ONECUT2: variants seen among roughly 807,000 people sequenced by gnomAD.
ONECUT2 encodes one cut homeobox 2, also known as one cut domain family member 2.
A neutral mutation model predicts 27.9 loss-of-function variants in ONECUT2; 10 were observed. The ratio of observed to expected loss-of-function variants is 0.36; its 90% CI spans 0.22 to 0.61. The LOEUF is 0.61. Ranked by LOEUF, ONECUT2 falls within the 20% of genes least tolerant of loss-of-function variation. ONECUT2 has a pLI of 0.73. For missense variants in ONECUT2, 686 were observed against 721.0 expected, an observed-to-expected ratio of 0.95 and a Z score of 0.56; for synonymous variants, 334 against 315.1, an observed-to-expected ratio of 1.06 and a Z score of -0.64.
At position 57,436,184 on chromosome 18, in the gene ONECUT2, G is replaced by A. The variant is rs199800972; in HGVS notation, c.468G>A (p.Pro156=). 9 of 1,607,252 alleles carry A rather than the reference G, an allele frequency of 5.6e-6. No homozygotes were observed. Among genetic ancestry groups the A allele is most frequent in the South Asian group, 1.1e-5 (1 of 90,852 alleles). ...NTYTTLTPLQ[P]LPPISTVSDK... ...ACACCACGCTGACACCGCTCCAGCC[G>A]CTGCCACCCATCTCCACCGTGTCTG... Residue 156 remains proline, a synonymous_variant, in exon 1 of 2, where the codon CCG becomes CCA. Coordinates refer to ENST00000491143, the MANE Select transcript of ONECUT2 (RefSeq NM_004852.3). This position sits in a 1 kb window ranked among gnomAD's most constrained non-coding sequence, Gnocchi z 5.9.
At position 57,436,173 on chromosome 18, in the gene ONECUT2, C is replaced by G; in HGVS notation, c.457C>G (p.Pro153Ala). ...GMSNTYTTLT[P>A]LQPLPPISTV... ...GAGCAACACCTACACCACGCTGACACCGCTCCAGCCGCTGCCACCCATCTC... is the reference window on the plus strand; with the variant it reads ...GAGCAACACCTACACCACGCTGACAGCGCTCCAGCCGCTGCCACCCATCTC... The change falls in exon 1 of 2, where the codon CCG becomes GCG. Residue 153 changes from proline to alanine, a missense_variant. Physicochemically the swap from Pro to Ala is conservative, Grantham distance 27. This residue lies in a region of ONECUT2 where 511 missense variants were observed against 488.1 expected (regional missense o/e 1.05). Coordinates refer to ENST00000491143, the MANE Select transcript of ONECUT2 (RefSeq NM_004852.3). This position sits in a 1 kb window ranked among gnomAD's most constrained non-coding sequence, Gnocchi z 5.9. The G allele has an allele frequency of 6.2e-7, 1 of 1,606,104 alleles. No homozygotes were observed. The highest frequency in any genetic ancestry group is 8.5e-7 in the Non-Finnish European group (1 of 1,179,432).
chr18:57,462,733 T>TA (rs2050299704), intron 1 of ONECUT2, among the ~76,000 whole-genome samples: 2 of 142,252 alleles, frequency 1.4e-5, no homozygotes, highest in African/African-American at 5.2e-5. Flanking sequence ...CTTTTTTTTT[T>TA]TTTTTTTTTT....
intron 1 of ONECUT2, among the ~76,000 whole-genome samples, chr18:57,456,838 C>T (rs942724242): frequency 1.5e-4 from 23 of 152,056 alleles, no homozygotes; most frequent in Non-Finnish European, 7.4e-5. Context: ...AAGCCAGGTG[C>T]GGTGGCATGT....
chr18:57,460,994 A>G (rs1354753855), intron 1 of ONECUT2, among the ~76,000 whole-genome samples: 1 of 152,148 alleles, frequency 6.6e-6, no homozygotes, highest in East Asian at 1.9e-4. Context: ...CCAAATCTTT[A>G]TTTATGTCCT....
At chr18:57,439,682 A>G (rs1464772585) in intron 1 of ONECUT2, among the ~76,000 whole-genome samples, 2 of 152,144 alleles carry the variant, frequency 1.3e-5, no homozygotes, top group Non-Finnish European at 2.9e-5. Flanking sequence ...CCCCGCCGGT[A>G]CGCCGCAGAG....
In ONECUT2 at chr18:57,478,472, C is replaced by G. The variant is rs2050397754; in HGVS notation, c.*1749C>G. ...AAAATGAATAAATAAATCCGTAAAT[C>G]AATGGAAATCACCACCAATAAGAAG... On this transcript the variant is annotated 3_prime_UTR_variant, in exon 2 of 2. Coordinates refer to ENST00000491143, the MANE Select transcript of ONECUT2 (RefSeq NM_004852.3). 1 of 152,614 alleles carries G rather than the reference C, an allele frequency of 6.6e-6. No individual in the cohort carries two copies. 9.5% of individuals were successfully genotyped at this position (152,614 alleles called of 1,614,324 possible). A position where few individuals can be genotyped will look rare whatever the true frequency, so the allele number is the denominator to read the frequency against.
intron 1 of ONECUT2, among the ~76,000 whole-genome samples, chr18:57,451,578 G>A (rs1568120309): frequency 6.6e-6 from 1 of 152,182 alleles, no homozygotes; most frequent in African/African-American, 2.4e-5. Flanking sequence ...TCTGGAACCA[G>A]AAGGAGTCCA....
Position 57,436,241 on chromosome 18 carries a change from T to C in ONECUT2, c.525T>C (p.His175=), listed in dbSNP as rs1450532767. ...DKFHHPHPHH[H]PHHHHHHHHQ... ...TCCACCACCCTCACCCGCACCACCA[T>C]CCGCACCACCACCACCACCACCACC... The change falls in exon 1 of 2, where the codon CAT becomes CAC. Residue 175 remains histidine (H), a synonymous_variant. Transcript: ENST00000491143. The surrounding 1 kb of genome is among the most constrained non-coding windows in gnomAD (Gnocchi z 5.9). 1 of 1,602,156 alleles carries C rather than the reference T, an allele frequency of 6.2e-7. No individual in the cohort carries two copies. Among genetic ancestry groups the C allele is most frequent in the Non-Finnish European group, 8.5e-7 (1 of 1,177,116 alleles).
intron 1 of ONECUT2, among the ~76,000 whole-genome samples, chr18:57,457,871 G>A (rs1229730581): frequency 2.6e-5 from 4 of 152,070 alleles, no homozygotes; most frequent in African/African-American, 9.7e-5. Flanking sequence ...CTATCGCAAG[G>A]ACAGAAAAGC....
Position 57,436,047 on chromosome 18 carries a change from G to T in ONECUT2, c.331G>T (p.Ala111Ser), listed in dbSNP as rs2050138207. ...ASRSAMVTSM[A>S]SILDGGDYRP... is the part of the protein sequence containing the mutation. ...GCGCTCGGCCATGGTCACCAGCATG[G>T]CCTCGATCCTGGACGGCGGCGACTA... The change falls in exon 1 of 2, where the codon GCC becomes TCC. Residue 111 changes from alanine (A) to serine (S), a missense_variant. By Grantham distance (99) the Ala-to-Ser change is moderately conservative. This residue lies in a region of ONECUT2 where 511 missense variants were observed against 488.1 expected (regional missense o/e 1.05). Transcript: ENST00000491143. This position sits in a 1 kb window ranked among gnomAD's most constrained non-coding sequence, Gnocchi z 5.9. 6.3e-7 allele frequency: 1 copy of T among 1,587,612 alleles called. No individual in the cohort carries two copies. The highest frequency in any genetic ancestry group is 8.5e-7 in the Non-Finnish European group (1 of 1,172,764).
At chr18:57,453,541 A>G (rs2050242307) in intron 1 of ONECUT2, among the ~76,000 whole-genome samples, 1 of 152,308 alleles carries the variant, frequency 6.6e-6, no homozygotes. Flanking sequence ...ATCAATACCC[A>G]GTGCTCACAG....
intron 1 of ONECUT2, among the ~76,000 whole-genome samples, chr18:57,461,672 C>T (rs976287802): frequency 6.6e-6 from 1 of 152,176 alleles, no homozygotes; most frequent in Non-Finnish European, 1.5e-5. Context: ...AGAAAATATG[C>T]CTTAGAGTTG....
At chr18:57,457,364 C>G (rs1006172689) in intron 1 of ONECUT2, among the ~76,000 whole-genome samples, 1 of 152,148 alleles carries the variant, frequency 6.6e-6, no homozygotes, top group African/African-American at 2.4e-5. Context: ...GAGAAACCAC[C>G]TTCCCTACTC....
At position 57,490,754 on chromosome 18, in the gene ONECUT2, G is replaced by C. The variant is rs655301; in HGVS notation, c.*14031G>C. On this transcript the variant is annotated 3_prime_UTR_variant, in exon 2 of 2. Transcript: ENST00000491143. ...TCTTGTTTTATTTTCTTGCTTTCAC[G>C]GGTATTATTGCCAAGAAAATCGTAG... The C allele has an allele frequency of 0.4, 61,099 of 151,726 alleles. 13,030 individuals are homozygous for C. The highest frequency in any genetic ancestry group is 0.53 in the African/African-American group (22,016 of 41,330). The allele number at this position is 151,726 out of a possible 1,614,324, so 9.4% of individuals were successfully genotyped here.
chr18:57,456,576 G>C (rs1006485119), intron 1 of ONECUT2, among the ~76,000 whole-genome samples: 1 of 152,204 alleles, frequency 6.6e-6, no homozygotes, highest in Non-Finnish European at 1.5e-5. Flanking sequence ...AATGGTGCTT[G>C]CCAGGTGCCT....
intron 1 of ONECUT2, among the ~76,000 whole-genome samples, chr18:57,453,520 G>A (rs1385309862): frequency 1.8e-3 from 3 of 1,696 alleles, no homozygotes; most frequent in Admixed American, 0.012. Context: ...ACATGAAATG[G>A]CGTCCTACGA....
chr18:57,449,755 T>C (rs1192187019), intron 1 of ONECUT2, among the ~76,000 whole-genome samples: 1 of 152,228 alleles, frequency 6.6e-6, no homozygotes, highest in Non-Finnish European at 1.5e-5. Flanking sequence ...TGCCTGGAAT[T>C]CCTTATCTCA....
intron 1 of ONECUT2, among the ~76,000 whole-genome samples, chr18:57,455,870 G>C (rs373069956): frequency 6.6e-6 from 1 of 152,156 alleles, no homozygotes; most frequent in Non-Finnish European, 1.5e-5. Flanking sequence ...CTTGGGTAAG[G>C]ACAGTATAGA....
At chr18:57,453,381 T>C (rs2050241632) in intron 1 of ONECUT2, among the ~76,000 whole-genome samples, 4 of 152,260 alleles carry the variant, frequency 2.6e-5, no homozygotes, top group Non-Finnish European at 5.9e-5. Context: ...GATGGACATT[T>C]CATTGTGTTC....
Sources: gnomAD v4.1 joint callset for allele counts (sites outside exome capture counted in the v4.1 genomes callset) on GRCh38, gnomAD v4.1.1 for gene constraint, gnomAD v4.1.1 regional missense constraint, Gnocchi (gnomAD v3.1) non-coding constraint, MANE v1.5 for transcripts, NCBI Gene and HGNC (gene_info 2026-07-23, HGNC 2026-07-21) for gene names.